Variants in XPO5 observed in about 807,000 individuals in gnomAD.
The protein encoded by XPO5 is exportin 5.
XPO5 carries 46 observed loss-of-function variants against 160.6 expected under a neutral mutation model. The observed-to-expected ratio is 0.29, with a 90% CI of 0.23 to 0.37. The LOEUF is 0.37. Among genes scored for constraint, XPO5 ranks in the 10% least tolerant of loss-of-function variants. The pLI is 1.00. For missense variants in XPO5, 1,090 were observed against 1,463.9 expected (o/e 0.74, Z 4.17); for synonymous variants, 537 against 519.3 (o/e 1.03, Z -0.46).
chr6:43,524,181 G>A (rs562561967), intron 31 of XPO5, among the ~76,000 whole-genome samples, 176 bp from the exon 32 acceptor site: 1 of 152,134 alleles, frequency 6.6e-6, no homozygotes, highest in East Asian at 1.9e-4. Context: ...GAGAAACCCC[G>A]TCTCTACTAA....
In XPO5 at chr6:43,562,756, T is replaced by C. The variant is rs79126828; in HGVS notation, c.912-410A>G. ...GTTGGAATCACCGCTTTATGAACCA[T>C]GGTTGTGGTATGGCACCCACAGCAC... On this transcript the variant is annotated intron_variant, in intron 8 of 31. Coordinates refer to ENST00000265351, the MANE Select transcript of XPO5 (RefSeq NM_020750.3). Among the ~76,000 whole-genome samples, 253 of 152,324 alleles carry C rather than the reference T, an allele frequency of 1.7e-3. 1 individual carries two copies. Among genetic ancestry groups the C allele is most frequent in the Non-Finnish European group, 2.9e-3 (199 of 68,030 alleles).
chr6:43,537,140 CTTT>C (rs70990198), intron 20 of XPO5, among the ~76,000 whole-genome samples: 2 of 137,170 alleles, frequency 1.5e-5, no homozygotes, highest in African/African-American at 2.8e-5. Context: ...ATAATTAAAA[CTTT>C]TTTTTTTTTT....
At chr6:43,565,784 G>C (rs764978111) in intron 7 of XPO5, 48 bp from the exon 8 acceptor site, 1 of 1,385,204 alleles carries the variant, frequency 7.2e-7, no homozygotes, top group South Asian at 1.3e-5. Flanking sequence ...ATACTTCAAA[G>C]TACCGACATC....
At chr6:43,571,986 CCT>C (rs1273375533) in intron 3 of XPO5, among the ~76,000 whole-genome samples, 4 of 152,232 alleles carry the variant, frequency 2.6e-5, no homozygotes, top group African/African-American at 7.2e-5. Context: ...TCCCCTCTGC[CCT>C]GTCTTTATAA....
rs1582190462 is a variant in XPO5 at position 43,524,742 on chromosome 6, T to C, written c.3312+89A>G. The C allele has an allele frequency of 3.2e-6, 5 of 1,586,814 alleles. No homozygotes were observed. In the East Asian group the frequency reaches 1.1e-4, roughly 36 times the overall value. ...GAGATTGCACCAGCAATTTGGCAGGTGCCTGAATTTAGGATAAGGCCCAAG... is the reference window on the plus strand; with the variant it reads ...GAGATTGCACCAGCAATTTGGCAGGCGCCTGAATTTAGGATAAGGCCCAAG... On this transcript the variant is annotated intron_variant, in intron 30 of 31. Transcript: ENST00000265351.
At chr6:43,571,472 C>T (rs1763003901) in intron 3 of XPO5, among the ~76,000 whole-genome samples, 1 of 152,134 alleles carries the variant, frequency 6.6e-6, no homozygotes, top group Non-Finnish European at 1.5e-5. Flanking sequence ...AAAAAGGCTA[C>T]AATTTTGAAC....
intron 14 of XPO5, 79 bp from the exon 15 acceptor site, chr6:43,551,532 T>C (rs1175125277): frequency 4.5e-6 from 7 of 1,544,906 alleles, no homozygotes; most frequent in South Asian, 1.2e-5. Flanking sequence ...TTTATTTTCA[T>C]CTTTTAAAGA....
rs750661956 is a variant in XPO5 at position 43,526,755 on chromosome 6, A to C, written c.2921-8T>G. 1.2e-6 allele frequency: 2 copies of C among 1,613,518 alleles called. No individual in the cohort carries two copies. The highest frequency in any genetic ancestry group is 2.2e-5 in the South Asian group (2 of 90,884). ...TTGAAACACAGCAAACCGCTAAAGC[A>C]AGAAAGCAGGGTTACTAGGTGAAGG... On this transcript the variant is annotated splice_polypyrimidine_tract_variant and splice_region_variant and intron_variant, in intron 26 of 31. Coordinates refer to ENST00000265351, the MANE Select transcript of XPO5 (RefSeq NM_020750.3).
At chr6:43,566,419 A>G (rs1470753577) in intron 7 of XPO5, among the ~76,000 whole-genome samples, 1 of 152,002 alleles carries the variant, frequency 6.6e-6, no homozygotes, top group Non-Finnish European at 1.5e-5. Flanking sequence ...AAATAAATAA[A>G]TGTGTTGGGC....
intron 11 of XPO5, among the ~76,000 whole-genome samples, 156 bp from the exon 12 acceptor site, chr6:43,558,747 C>T (rs1337474534): frequency 6.6e-6 from 1 of 152,144 alleles, no homozygotes; most frequent in Non-Finnish European, 1.5e-5. Flanking sequence ...TATCACAGGT[C>T]CACAGTTTGC....
chr6:43,523,977 T>G lies in XPO5; in HGVS notation c.3506A>C (p.Glu1169Ala). Residue 1169 changes from glutamate to alanine, a missense_variant, in exon 32 of 32, where the codon GAA (glutamate) becomes GCA (alanine). By Grantham distance (107) the Glu-to-Ala change is moderately radical (BLOSUM62 -1). Around this residue, in one of 3 missense-constraint regions of XPO5, gnomAD observed 810 missense variants for 1,139.0 expected, o/e 0.71. Coordinates refer to ENST00000265351, the MANE Select transcript of XPO5 (RefSeq NM_020750.3). ...GKPLGEQFRK[E>A]VHIKNLPSLF... ...TGAGGGAAGATTCTTAATGTGAACT[T>G]CTTTTCGGAACTGCTCTCCCAAGGG... is the stretch of plus-strand genomic sequence containing the variant. The G allele has an allele frequency of 6.2e-7, 1 of 1,613,768 alleles. No individual in the cohort carries two copies. Among genetic ancestry groups the G allele is most frequent in the Non-Finnish European group, 8.5e-7 (1 of 1,179,890 alleles).
rs375825472 is a variant in XPO5, at chr6:43,542,689, G to A, written c.2342+3882C>T. Among the ~76,000 whole-genome samples, 33 of 152,174 alleles carry A rather than the reference G, an allele frequency of 2.2e-4. No homozygotes were observed. The East Asian group carries it at 2.5e-3, about 12-fold the overall frequency. Reference sequence around the variant, plus strand: ...GATTCACCTGCTTCGGCCTCCCAAAGTGCTTGGATTACAGGCGTGAGCCAC... The same window carrying A: ...GATTCACCTGCTTCGGCCTCCCAAAATGCTTGGATTACAGGCGTGAGCCAC... On this transcript the variant is annotated intron_variant, in intron 20 of 31. Transcript: ENST00000265351.
At chr6:43,556,052 G>A (rs1470001406) in intron 12 of XPO5, 88 bp from the exon 13 acceptor site, 9 of 1,528,344 alleles carry the variant, frequency 5.9e-6, no homozygotes, top group African/African-American at 4.2e-5. Flanking sequence ...CCACCCTAGG[G>A]GAAAAGCATT....
At chr6:43,524,753 A>C in intron 30 of XPO5, 78 bp downstream of exon 30, 1 of 1,589,770 alleles carries the variant, frequency 6.3e-7, no homozygotes, top group East Asian at 2.2e-5. Flanking sequence ...GCCTGAATTT[A>C]GGATAAGGCC....
Position 43,524,528 on chromosome 6 carries a change from T to C in XPO5, c.3420A>G (p.Lys1140=). 6.2e-7 allele frequency: 1 copy of C among 1,613,984 alleles called. No homozygotes were observed. Among genetic ancestry groups the C allele is most frequent in the African/African-American group, 1.3e-5 (1 of 75,040 alleles). The change falls in exon 31 of 32, where the codon AAA becomes AAG. Residue 1140 remains lysine (K), a synonymous_variant. Transcript: ENST00000265351. ...DCKLLNPSLQ[K]VADKRRKDQF... is the part of the protein sequence containing the mutation. ...GGTCCTTTCGGCGCTTGTCAGCCAC[T>C]TTCTGCAGGGAGGGGTTTAAAAGCT...
At position 43,524,666 on chromosome 6, in the gene XPO5, G is replaced by A. The variant is rs760108828; in HGVS notation, c.3313-31C>T. On this transcript the variant is annotated intron_variant, in intron 30 of 31. Coordinates refer to ENST00000265351, the MANE Select transcript of XPO5 (RefSeq NM_020750.3). ...ATCAGCAGGGATAAACTTACTGGAT[G>A]TAGGTTTGGATATTGCCACCCTCCC... is the stretch of plus-strand genomic sequence containing the variant. 4.4e-6 allele frequency: 7 copies of A among 1,606,980 alleles called. No homozygotes were observed. The South Asian group carries it at 6.6e-5, about 15-fold the overall frequency.
chr6:43,573,434 G>A (rs1763115172), intron 2 of XPO5, 46 bp downstream of exon 2: 1 of 1,607,816 alleles, frequency 6.2e-7, no homozygotes, highest in Non-Finnish European at 8.5e-7. Context: ...AAGATATAAA[G>A]ATCTGTTCTC....
chr6:43,540,306 T>C (rs1012067409), intron 20 of XPO5, among the ~76,000 whole-genome samples: 4 of 152,188 alleles, frequency 2.6e-5, no homozygotes, highest in African/African-American at 9.7e-5. Context: ...GGTGAAACCC[T>C]GTCTCTACTA....
chr6:43,542,206 C>T (rs1794731471), intron 20 of XPO5, among the ~76,000 whole-genome samples: 1 of 152,008 alleles, frequency 6.6e-6, no homozygotes, highest in South Asian at 2.1e-4. Flanking sequence ...GGAAAGCCTA[C>T]CAGACCAATT....
Sources: allele counts gnomAD v4.1 joint callset (sites outside exome capture counted in the v4.1 genomes callset), GRCh38; gene constraint gnomAD v4.1.1; regional missense constraint gnomAD v4.1.1; transcripts MANE v1.5; gene names NCBI Gene and HGNC (gene_info 2026-07-23, HGNC 2026-07-21).